Variants in PRPF3 observed in about 807,000 individuals in gnomAD.
The protein encoded by PRPF3 is U4/U6 small nuclear ribonucleoprotein Prp3.
In PRPF3, 3 loss-of-function variants were observed where a neutral mutation model predicts 89.2. The ratio of observed to expected loss-of-function variants is 0.03; its 90% CI spans 0.02 to 0.09. The LOEUF (loss-of-function observed/expected upper bound fraction) is 0.09, where lower values mean the gene tolerates loss of function less well. Ranked by LOEUF, PRPF3 falls within the 10% of genes least tolerant of loss-of-function variation. The pLI, the probability that PRPF3 is intolerant of heterozygous loss-of-function variation, is 1.00. For synonymous variants in PRPF3, 270 were observed against 289.1 expected (o/e 0.93, Z 0.67); for missense variants, 463 against 828.8 (o/e 0.56, Z 5.42).
At chr1:150,345,687 A>G (rs1553872722) in intron 12 of PRPF3, 4 of 360,870 alleles carry the variant, frequency 1.1e-5, no homozygotes, top group East Asian at 1.4e-4. Context: ...GGTCTAGAGG[A>G]CAAAAAGTCT....
chr1:150,328,581 T>C (rs587642276), intron 4 of PRPF3, 115 bp downstream of exon 4: 2 of 1,002,854 alleles, frequency 2.0e-6, no homozygotes, highest in African/African-American at 2.1e-5. Flanking sequence ...AGGTGGAGTT[T>C]TGCTCTTGTC....
At position 150,335,073 on chromosome 1, in the gene PRPF3, G is replaced by A. The variant is rs1553866894; in HGVS notation, c.867G>A (p.Lys289=). ...TGAAAGCCAATATTCGTGCTGTGAA[G>A]AGGGAACAATTCAAGCAACAACTAA... is the stretch of plus-strand genomic sequence containing the variant. ...PTLKANIRAV[K]REQFKQQLKE... is the part of the protein sequence containing the mutation. Residue 289 remains lysine, a synonymous_variant, in exon 7 of 16, where the codon AAG becomes AAA. Transcript: ENST00000324862. The A allele has an allele frequency of 6.2e-7, 1 of 1,614,140 alleles. No individual in the cohort carries two copies. Among genetic ancestry groups the A allele is most frequent in the East Asian group, 2.2e-5 (1 of 44,884 alleles).
intron 3 of PRPF3, 192 bp from the exon 4 acceptor site, chr1:150,328,124 TTGAC>T: frequency 1.7e-6 from 1 of 593,406 alleles, no homozygotes. Flanking sequence ...TGAAATTTGT[TTGAC>T]TGGATTAGGA....
intron 14 of PRPF3, among the ~76,000 whole-genome samples, chr1:150,347,583 C>T (rs1161451634): frequency 1.1e-4 from 17 of 151,856 alleles, no homozygotes; most frequent in Non-Finnish European, 1.8e-4. Flanking sequence ...CACAAAAATT[C>T]GGGGCGTGGT....
chr1:150,322,326 T>C (rs1414427251), intron 1 of PRPF3, among the ~76,000 whole-genome samples: 5 of 152,338 alleles, frequency 3.3e-5, no homozygotes, highest in East Asian at 1.9e-4. Flanking sequence ...TAAATATTTA[T>C]TGAATGAATT....
In PRPF3 at chr1:150,335,062, C is replaced by T; in HGVS notation, c.856C>T (p.Arg286Cys). 6.2e-7 allele frequency: 1 copy of T among 1,614,038 alleles called. No individual in the cohort carries two copies. Among genetic ancestry groups the T allele is most frequent in the Non-Finnish European group, 8.5e-7 (1 of 1,180,008 alleles). The change falls in exon 7 of 16, where the codon CGT becomes TGT. Residue 286 changes from arginine to cysteine, a missense_variant. By Grantham distance (180) the Arg-to-Cys change is radical. This residue lies in a region of PRPF3 where 261 missense variants were observed against 475.8 expected (regional missense o/e 0.55). Transcript: ENST00000324862. ...HRMPTLKANI[R>C]AVKREQFKQQ... is the part of the protein sequence containing the mutation. Reference sequence around the variant, plus strand: ...CATGCCTACTCTGAAAGCCAATATTCGTGCTGTGAAGAGGGAACAATTCAA... The same window carrying T: ...CATGCCTACTCTGAAAGCCAATATTTGTGCTGTGAAGAGGGAACAATTCAA...
At chr1:150,343,534 G>T in intron 10 of PRPF3, 82 bp downstream of exon 10, 1 of 1,533,636 alleles carries the variant, frequency 6.5e-7, no homozygotes, top group East Asian at 2.3e-5. Flanking sequence ...ACATCTCTGT[G>T]TTTGAGTGAT....
intron 15 of PRPF3, among the ~76,000 whole-genome samples, chr1:150,350,406 G>C (rs1413629232): frequency 1.3e-5 from 2 of 150,766 alleles, no homozygotes; most frequent in Non-Finnish European, 3.0e-5. Context: ...TCGCCATATT[G>C]GTCAAGCTGG....
At chr1:150,350,797 C>CA (rs1365117724) in intron 15 of PRPF3, among the ~76,000 whole-genome samples, 1 of 151,632 alleles carries the variant, frequency 6.6e-6, no homozygotes, top group Non-Finnish European at 1.5e-5. Context: ...CCCGTCTCTA[C>CA]AAAAAATACA....
intron 6 of PRPF3, among the ~76,000 whole-genome samples, chr1:150,334,725 G>A (rs1260212376): frequency 6.6e-6 from 1 of 151,680 alleles, no homozygotes; most frequent in East Asian, 1.9e-4. Flanking sequence ...ATATGCCACC[G>A]CACCCAGCTA....
In PRPF3 at chr1:150,346,129, G is replaced by A. The variant is rs781896022; in HGVS notation, c.1752G>A (p.Val584=). Residue 584 remains valine, a synonymous_variant, in exon 13 of 16, where the codon GTG becomes GTA. Coordinates refer to ENST00000324862, the MANE Select transcript of PRPF3 (RefSeq NM_004698.4). ...VLHKDVNVVV[V]EGGPKAQKKF... is the part of the protein sequence containing the mutation. The stretch of plus-strand genomic sequence containing the variant: ...ACAAGGATGTCAACGTGGTAGTAGT[G>A]GAAGGGGGTGAGTCTGAAAAACTTG... 2 of 1,613,902 alleles carry A rather than the reference G, an allele frequency of 1.2e-6. No homozygotes were observed. The highest frequency in any genetic ancestry group is 1.7e-6 in the Non-Finnish European group (2 of 1,179,750).
At chr1:150,328,546 A>T (rs61817474) in intron 4 of PRPF3, 80 bp downstream of exon 4, 8 of 726,350 alleles carry the variant, frequency 1.1e-5, no homozygotes, top group Non-Finnish European at 1.5e-5. Context: ...TTTATTGTGG[A>T]ATTTTTTTTT....
rs1656833191 is a variant in PRPF3 at position 150,335,166 on chromosome 1, C to T, written c.960C>T (p.Ser320=). 1.2e-6 allele frequency: 2 copies of T among 1,614,056 alleles called. No homozygotes were observed. The highest frequency in any genetic ancestry group is 8.5e-7 in the Non-Finnish European group (1 of 1,179,994). The part of the protein sequence containing the change: ...FFDPRVSIAP[S]QRQRRTFKFH... Reference sequence around the variant, plus strand: ...ACCCCCGAGTCTCCATTGCCCCTTCCCAGCGCCAGAGACGCACTTTTAAAT... The same window carrying T: ...ACCCCCGAGTCTCCATTGCCCCTTCTCAGCGCCAGAGACGCACTTTTAAAT... The change falls in exon 7 of 16, where the codon TCC becomes TCT. Residue 320 remains serine, a synonymous_variant. Transcript: ENST00000324862.
chr1:150,349,307 A>C, intron 15 of PRPF3, 89 bp downstream of exon 15: 1 of 959,330 alleles, frequency 1.0e-6, no homozygotes, highest in East Asian at 2.4e-5. Flanking sequence ...TGTAAGATGT[A>C]ATCAGTGAAT....
rs587622859 is a variant in PRPF3, at chr1:150,346,390, A to T, written c.1760-18A>T. ...CATCTTCCACAGTTCTGGCAAAATT[A>T]TTCTTCTCTGTTTCCAGGCCCCAAG... is the stretch of plus-strand genomic sequence containing the variant. On this transcript the variant is annotated intron_variant, in intron 13 of 15. Transcript: ENST00000324862. 6.2e-7 allele frequency: 1 copy of T among 1,608,954 alleles called. No homozygotes were observed. Among genetic ancestry groups the T allele is most frequent in the Admixed American group, 1.7e-5 (1 of 59,998 alleles).
At chr1:150,331,745 C>T (rs587669005) in intron 4 of PRPF3, among the ~76,000 whole-genome samples, 5 of 152,250 alleles carry the variant, frequency 3.3e-5, no homozygotes, top group South Asian at 4.1e-4. Context: ...TATCTTGAAG[C>T]AGTTTAAGAA....
In PRPF3 at chr1:150,344,880, T is replaced by A. The variant is rs939147695; in HGVS notation, c.1640+333T>A. On this transcript the variant is annotated intron_variant, in intron 12 of 15. Transcript: ENST00000324862. The stretch of plus-strand genomic sequence containing the variant: ...TATAAAATATCATCCTATTTCTTTT[T>A]TTTTTCATCTTTTTTTTTTTAAATG... 1.8e-4 allele frequency among the ~76,000 whole-genome samples: 27 copies of A among 151,862 alleles called. 1 individual carries two copies. The highest frequency in any genetic ancestry group is 5.9e-5 in the Non-Finnish European group (4 of 68,024).
At chr1:150,339,715 G>A (rs1657471141) in intron 8 of PRPF3, among the ~76,000 whole-genome samples, 1 of 149,526 alleles carries the variant, frequency 6.7e-6, no homozygotes, top group Non-Finnish European at 1.5e-5. Context: ...TGGGATTACA[G>A]GCATGAGCCA....
intron 3 of PRPF3, 198 bp from the exon 4 acceptor site, chr1:150,328,118 ATTTG>A (rs1655920391): frequency 1.7e-6 from 1 of 585,264 alleles, no homozygotes; most frequent in Non-Finnish European, 3.0e-6. Context: ...TGGGAATGAA[ATTTG>A]TTTGACTGGA....
Sources: gnomAD v4.1 joint callset for allele counts (sites outside exome capture counted in the v4.1 genomes callset) on GRCh38, gnomAD v4.1.1 for gene constraint, gnomAD v4.1.1 regional missense constraint, MANE v1.5 for transcripts, NCBI Gene and HGNC (gene_info 2026-07-23, HGNC 2026-07-21) for gene names.